The following DIS3L2 variants were observed in gnomAD, a reference collection of about 807,000 sequenced individuals.
DIS3L2 encodes DIS3 like 3'-5' exoribonuclease 2, also known as DIS3-like exonuclease 2.
A neutral mutation model predicts 97.5 loss-of-function variants in DIS3L2; 34 were observed. That is an observed-to-expected ratio of 0.35 (90% confidence interval 0.27 to 0.46). The LOEUF is 0.46. Ranked by LOEUF, DIS3L2 falls within the 20% of genes least tolerant of loss-of-function variation. DIS3L2 has a pLI of 1.00. For missense variants in DIS3L2, 1,038 were observed against 1,146.0 expected, an observed-to-expected ratio of 0.91 and a Z score of 1.36; for synonymous variants, 435 against 445.2, an observed-to-expected ratio of 0.98 and a Z score of 0.29.
intron 4 of DIS3L2, among the ~76,000 whole-genome samples, chr2:232,028,952 A>G (rs982417940): frequency 1.3e-5 from 2 of 152,200 alleles, no homozygotes; most frequent in Non-Finnish European, 2.9e-5. Context: ...ATGGTTTGTA[A>G]GTGGAAGCTG....
chr2:232,092,122 G>A (rs544114025), intron 6 of DIS3L2, among the ~76,000 whole-genome samples: 5 of 152,288 alleles, frequency 3.3e-5, no homozygotes, highest in African/African-American at 9.6e-5. Context: ...TGGATATCCA[G>A]TTTTCTCAGC....
Position 232,335,673 on chromosome 2 carries a change from G to T in DIS3L2, c.2395-100G>T, listed in dbSNP as rs571465898. On this transcript the variant is annotated intron_variant, in intron 19 of 20. Coordinates refer to ENST00000325385, the MANE Select transcript of DIS3L2 (RefSeq NM_152383.5). ...AGCCAGGCAAGGGTGGGCCAGGGCCGAGGGCTGAGGGCCGCCTCCAAGCAT... is the reference window on the plus strand; with the variant it reads ...AGCCAGGCAAGGGTGGGCCAGGGCCTAGGGCTGAGGGCCGCCTCCAAGCAT... 15 of 1,364,862 alleles carry T rather than the reference G, an allele frequency of 1.1e-5. No homozygotes were observed. The South Asian group carries it at 1.9e-4, about 17-fold the overall frequency. The allele number at this position is 1,364,862 out of a possible 1,614,324, so 84.5% of individuals were successfully genotyped here.
chr2:232,329,785 T>TGCCGGGGGGGGCGCCCC, intron 14 of DIS3L2, 28 bp from the exon 15 acceptor site: 3 of 967,144 alleles, frequency 3.1e-6, no homozygotes, highest in Non-Finnish European at 4.4e-6. Flanking sequence ...ACCCCAGCGG[T>TGCCGGGGGGGGCGCCCC]CCCTCCCATC....
At chr2:232,329,787 C>CCCGGGGGGCG in intron 14 of DIS3L2, 26 bp from the exon 15 acceptor site, 7 of 1,062,210 alleles carry the variant, frequency 6.6e-6, no homozygotes, top group South Asian at 2.1e-5. Flanking sequence ...CCCAGCGGTC[C>CCCGGGGGGCG]CTCCCATCCC....
At chr2:232,174,161 A>G (rs971774641) in intron 9 of DIS3L2, among the ~76,000 whole-genome samples, 1 of 152,198 alleles carries the variant, frequency 6.6e-6, no homozygotes, top group African/African-American at 2.4e-5. Flanking sequence ...ATTTAATCCT[A>G]CATATTTATT....
intron 9 of DIS3L2, among the ~76,000 whole-genome samples, chr2:232,195,884 G>A (rs1691739170): frequency 6.6e-6 from 1 of 151,802 alleles, no homozygotes; most frequent in East Asian, 1.9e-4. Context: ...TTAGTTTTAT[G>A]AAGGCAGTCT....
chr2:232,205,436 G>A (rs930497438), intron 9 of DIS3L2, among the ~76,000 whole-genome samples: 4 of 151,828 alleles, frequency 2.6e-5, no homozygotes, highest in Admixed American at 6.6e-5. Flanking sequence ...CTGAGTAGCT[G>A]GGACTACATG....
At chr2:232,309,864 C>T (rs1398533396) in intron 14 of DIS3L2, among the ~76,000 whole-genome samples, 1 of 152,248 alleles carries the variant, frequency 6.6e-6, no homozygotes, top group East Asian at 1.9e-4. Context: ...TGAGTGATGC[C>T]TCTTCCTGGC....
chr2:232,083,193 T>A (rs937726742), intron 5 of DIS3L2, among the ~76,000 whole-genome samples: 4 of 151,854 alleles, frequency 2.6e-5, no homozygotes, highest in African/African-American at 9.7e-5. Flanking sequence ...CTCTTCCCAT[T>A]CTCTTCTTAA....
chr2:232,071,787 C>T (rs1283622988), intron 5 of DIS3L2, among the ~76,000 whole-genome samples: 2 of 152,168 alleles, frequency 1.3e-5, no homozygotes, highest in African/African-American at 4.8e-5. Context: ...CAGTCCTCCA[C>T]CTTGGCCTCC....
chr2:232,334,759 G>A (rs1695886463), intron 19 of DIS3L2, 24 bp downstream of exon 19: 1 of 1,571,672 alleles, frequency 6.4e-7, no homozygotes, highest in Admixed American at 1.8e-5. Context: ...GAGAGCCCGG[G>A]GGCGGGCAGG....
intron 1 of DIS3L2, among the ~76,000 whole-genome samples, chr2:231,998,342 CATTA>C (rs1489927759): frequency 2.0e-5 from 3 of 152,168 alleles, no homozygotes. Flanking sequence ...GTGATAATAG[CATTA>C]ATTCATTCAC....
chr2:232,181,279 A>C (rs1273400800), intron 9 of DIS3L2, among the ~76,000 whole-genome samples: 1 of 151,770 alleles, frequency 6.6e-6, no homozygotes, highest in Non-Finnish European at 1.5e-5. Flanking sequence ...CGAATCTGAC[A>C]ATTATGTGTC....
intron 5 of DIS3L2, among the ~76,000 whole-genome samples, chr2:232,061,966 A>G (rs1196829199): frequency 6.6e-6 from 1 of 152,198 alleles, no homozygotes; most frequent in African/African-American, 2.4e-5. Context: ...ATAAAGCTAA[A>G]CAACTTTTCT....
At chr2:232,341,537 A>T (rs1017796311), downstream of DIS3L2, among the ~76,000 whole-genome samples, 1 of 152,236 alleles carries the variant, frequency 6.6e-6, no homozygotes, top group Non-Finnish European at 1.5e-5. Context: ...CACAGTCATC[A>T]CCATAGAAAT....
intron 9 of DIS3L2, among the ~76,000 whole-genome samples, chr2:232,172,489 G>A (rs923477647): frequency 1.6e-4 from 24 of 152,110 alleles, no homozygotes; most frequent in African/African-American, 5.3e-4. Context: ...CCATTTTATA[G>A]CTGAATAATA....
chr2:232,200,285 A>T (rs1691854233), intron 9 of DIS3L2, among the ~76,000 whole-genome samples: 1 of 152,220 alleles, frequency 6.6e-6, no homozygotes, highest in African/African-American at 2.4e-5. Flanking sequence ...GTCAAATATT[A>T]ACAATTTCAT....
intron 6 of DIS3L2, among the ~76,000 whole-genome samples, chr2:232,126,652 T>G (rs766396726): frequency 1.3e-5 from 2 of 152,202 alleles, no homozygotes; most frequent in Non-Finnish European, 2.9e-5. Flanking sequence ...TGCAGGGATG[T>G]GGCTGAGGGA....
chr2:232,211,936 A>G (rs1692202500), intron 10 of DIS3L2, among the ~76,000 whole-genome samples: 1 of 152,096 alleles, frequency 6.6e-6, no homozygotes, highest in Non-Finnish European at 1.5e-5. Context: ...TGCAGCCTTG[A>G]ACTCCCAAGC....
Sources: allele counts gnomAD v4.1 joint callset (sites outside exome capture counted in the v4.1 genomes callset), GRCh38; gene constraint gnomAD v4.1.1; transcripts MANE v1.5; gene names NCBI Gene and HGNC (gene_info 2026-07-23, HGNC 2026-07-21).